The following SPOCK3 variants were observed in gnomAD, a reference collection of about 807,000 sequenced individuals.
SPOCK3 encodes testican-3.
SPOCK3 carries 30 observed loss-of-function variants against 56.6 expected under a neutral mutation model. That is an observed-to-expected ratio of 0.53 (90% CI 0.40 to 0.72). The LOEUF is 0.72. Among genes scored for constraint, SPOCK3 ranks in the 30% least tolerant of loss-of-function variants. The pLI is 0.00. For synonymous variants in SPOCK3, 196 were observed against 183.3 expected, an observed-to-expected ratio of 1.07 and a Z score of -0.56; for missense variants, 527 against 530.0, an observed-to-expected ratio of 0.99 and a Z score of 0.06.
At chr4:166,891,716 C>G (rs889549207) in intron 5 of SPOCK3, among the ~76,000 whole-genome samples, 5 of 152,002 alleles carry the variant, frequency 3.3e-5, no homozygotes, top group African/African-American at 1.2e-4. Flanking sequence ...ATTATAACTT[C>G]AAATTTAATA....
intron 7 of SPOCK3, among the ~76,000 whole-genome samples, chr4:166,764,120 C>T (rs1056614946): frequency 1.1e-4 from 16 of 152,002 alleles, no homozygotes; most frequent in Admixed American, 5.3e-4. Context: ...TGGTCACTTT[C>T]CTCATCTTCA....
intron 5 of SPOCK3, among the ~76,000 whole-genome samples, chr4:166,898,589 C>T (rs931702410): frequency 6.6e-6 from 1 of 152,032 alleles, no homozygotes; most frequent in Non-Finnish European, 1.5e-5. Flanking sequence ...CTTTTGGGGC[C>T]AATTCAATGC....
chr4:167,125,891 AATT>A (rs1181522523), intron 2 of SPOCK3, among the ~76,000 whole-genome samples: 1 of 152,008 alleles, frequency 6.6e-6, no homozygotes, highest in Non-Finnish European at 1.5e-5. Context: ...ATGATCCCAC[AATT>A]ATTATTTCCG....
chr4:167,075,923 T>C (rs1757139041), intron 2 of SPOCK3, among the ~76,000 whole-genome samples: 1 of 152,000 alleles, frequency 6.6e-6, no homozygotes, highest in African/African-American at 2.4e-5. Context: ...ATAAATATGT[T>C]TGCACATTTA....
intron 2 of SPOCK3, among the ~76,000 whole-genome samples, chr4:167,063,081 C>G (rs1394379394): frequency 6.6e-6 from 1 of 151,738 alleles, no homozygotes; most frequent in African/African-American, 2.4e-5. Context: ...AATCGAATAT[C>G]TAAGAAGTTC....
At chr4:167,062,753 C>A in intron 2 of SPOCK3, 1 of 511,704 alleles carries the variant, frequency 2.0e-6, no homozygotes, top group African/African-American at 2.0e-5. Context: ...TTTCAAGTTA[C>A]AGAAATGTCT....
At chr4:167,095,269 T>A (rs1675345615) in intron 2 of SPOCK3, among the ~76,000 whole-genome samples, 1 of 152,152 alleles carries the variant, frequency 6.6e-6, no homozygotes, top group Non-Finnish European at 1.5e-5. Flanking sequence ...ATGGTTTTAA[T>A]TCTTCCTTGT....
chr4:166,842,439 C>T (rs1215094554), intron 6 of SPOCK3, among the ~76,000 whole-genome samples: 1 of 151,282 alleles, frequency 6.6e-6, no homozygotes, highest in Non-Finnish European at 1.5e-5. Context: ...TTACTATCCT[C>T]TAGCTAGACA....
chr4:167,150,244 T>A (rs1764302239), intron 2 of SPOCK3, among the ~76,000 whole-genome samples: 1 of 152,094 alleles, frequency 6.6e-6, no homozygotes, highest in Admixed American at 6.6e-5. Flanking sequence ...TACAGAGAAT[T>A]ATTAGAAGCA....
intron 6 of SPOCK3, among the ~76,000 whole-genome samples, chr4:166,833,941 C>T (rs1295874392): frequency 6.6e-6 from 1 of 152,184 alleles, no homozygotes; most frequent in Non-Finnish European, 1.5e-5. Context: ...TCTTGTCTTT[C>T]CTCATGTAGA....
intron 4 of SPOCK3, among the ~76,000 whole-genome samples, chr4:166,950,971 C>CA (rs1403588065): frequency 5.5e-5 from 7 of 127,510 alleles, no homozygotes; most frequent in Admixed American, 1.5e-4. Flanking sequence ...TAAATGCCCA[C>CA]AAGAGAAAGC....
intron 4 of SPOCK3, among the ~76,000 whole-genome samples, chr4:166,955,684 T>A (rs534606929): frequency 6.8e-6 from 1 of 147,904 alleles, no homozygotes; most frequent in African/African-American, 2.5e-5. Flanking sequence ...AAATATAAAT[T>A]ATTAATAAAG....
At chr4:166,968,896 G>C (rs1745051847) in intron 4 of SPOCK3, among the ~76,000 whole-genome samples, 1 of 152,174 alleles carries the variant, frequency 6.6e-6, no homozygotes, top group Non-Finnish European at 1.5e-5. Context: ...GCCCATTAAA[G>C]AAGCCAAGGA....
intron 4 of SPOCK3, among the ~76,000 whole-genome samples, chr4:166,959,227 G>A (rs1579806910): frequency 6.6e-6 from 1 of 152,252 alleles, no homozygotes; most frequent in East Asian, 1.9e-4. Context: ...CAAGAAAGAT[G>A]TAAGTTAGAA....
chr4:167,213,541 G>A (rs550097679), intron 2 of SPOCK3, among the ~76,000 whole-genome samples: 1 of 152,034 alleles, frequency 6.6e-6, no homozygotes, highest in African/African-American at 2.4e-5. Context: ...CTTTCATTTT[G>A]TCTTTTTGCC....
At chr4:167,005,982 A>G (rs935045357) in intron 3 of SPOCK3, among the ~76,000 whole-genome samples, 5 of 152,148 alleles carry the variant, frequency 3.3e-5, no homozygotes, top group African/African-American at 1.2e-4. Context: ...CACAAATCAT[A>G]TTGATTTTTT....
intron 6 of SPOCK3, among the ~76,000 whole-genome samples, chr4:166,868,085 C>T (rs1032863960): frequency 1.3e-5 from 2 of 151,864 alleles, no homozygotes; most frequent in Non-Finnish European, 2.9e-5. Context: ...CTGCAAACCA[C>T]TATATAATTT....
At chr4:167,073,376 A>G (rs114441736) in intron 2 of SPOCK3, among the ~76,000 whole-genome samples, 112 of 152,014 alleles carry the variant, frequency 7.4e-4, no homozygotes, top group African/African-American at 2.7e-3. Flanking sequence ...TATAAAATAA[A>G]TAACGGTCAT....
rs79637573 is a variant in SPOCK3, at chr4:166,842,902, G to T, written c.589+46228C>A. ...TGTGTAGCAGGGGATGGTGCCCATC[G>T]AGGGGGTTTGGGCTGCGGGGGACCC... On this transcript the variant is annotated intron_variant, in intron 6 of 10. Coordinates refer to ENST00000357545, the MANE Select transcript of SPOCK3 (RefSeq NM_001040159.2). 3.3e-3 allele frequency among the ~76,000 whole-genome samples: 497 copies of T among 152,320 alleles called. 1 individual carries two copies. Among genetic ancestry groups the T allele is most frequent in the African/African-American group, 0.011 (475 of 41,570 alleles).
Sources: allele counts gnomAD v4.1 joint callset (sites outside exome capture counted in the v4.1 genomes callset), GRCh38; gene constraint gnomAD v4.1.1; transcripts MANE v1.5; gene names NCBI Gene and HGNC (gene_info 2026-07-23, HGNC 2026-07-21).